The following GGT5 variants were observed in gnomAD, a reference collection of about 807,000 sequenced individuals.
GGT5 encodes the protein glutathione hydrolase 5 proenzyme.
A neutral mutation model predicts 58.1 loss-of-function variants in GGT5; 50 were observed. That is an observed-to-expected ratio of 0.86 (90% confidence interval 0.69 to 1.09). The LOEUF (loss-of-function observed/expected upper bound fraction) is 1.09, where lower values mean the gene tolerates loss of function less well. Ranked by LOEUF, GGT5 falls within the 50% of genes least tolerant of loss-of-function variation. The pLI is 0.00. For missense variants in GGT5, 800 were observed against 789.4 expected (o/e 1.01, Z -0.16); for synonymous variants, 370 against 346.1 (o/e 1.07, Z -0.77).
rs999205973 is a variant in GGT5 at position 24,225,265 on chromosome 22, T to C, written c.1483A>G (p.Ile495Val). ...LVIGGAGGEL[I>V]ISAVAQAIMS... is the part of the protein sequence containing the mutation. ...CTCACCTGGGCCACAGCAGAGATGA[T>C]GAGCTCCCCGCCAGCCCCGCCAATC... The change falls in exon 10 of 12, where the codon ATC (isoleucine) becomes GTC (valine). Residue 495 changes from isoleucine to valine, a missense_variant. Ile to Val is a conservative substitution (Grantham distance 29). Transcript: ENST00000327365. 1 of 1,613,336 alleles carries C rather than the reference T, an allele frequency of 6.2e-7. No homozygotes were observed. The highest frequency in any genetic ancestry group is 8.5e-7 in the Non-Finnish European group (1 of 1,179,808).
chr22:24,222,987 G>A (rs1196942828), intron 11 of GGT5, among the ~76,000 whole-genome samples: 2 of 152,184 alleles, frequency 1.3e-5, no homozygotes. Context: ...TGAGGCGGGA[G>A]GATGAGGCAG....
intron 1 of GGT5, among the ~76,000 whole-genome samples, chr22:24,240,127 T>G (rs904537284): frequency 9.2e-5 from 14 of 152,176 alleles, no homozygotes. Flanking sequence ...TACTAGCTCA[T>G]GTTAGACTTT....
At chr22:24,228,517 CT>C (rs1283218304) in intron 6 of GGT5, among the ~76,000 whole-genome samples, 1 of 149,802 alleles carries the variant, frequency 6.7e-6, no homozygotes, top group Admixed American at 6.7e-5. Flanking sequence ...GTGGTGTGAT[CT>C]CAGCTCACTG....
chr22:24,233,397 G>A (rs2048006027), intron 3 of GGT5, 101 bp downstream of exon 3: 1 of 671,824 alleles, frequency 1.5e-6, no homozygotes, highest in Non-Finnish European at 2.5e-6. Flanking sequence ...CCGTGCCAGG[G>A]AGTCACAGCC....
chr22:24,227,935 G>C (rs1302629465), intron 6 of GGT5, among the ~76,000 whole-genome samples: 1 of 151,386 alleles, frequency 6.6e-6, no homozygotes, highest in East Asian at 1.9e-4. Flanking sequence ...TGTAACCCCA[G>C]CTACTAGGGA....
chr22:24,221,589 T>G (rs1385039024), intron 11 of GGT5, among the ~76,000 whole-genome samples: 2 of 152,226 alleles, frequency 1.3e-5, no homozygotes, highest in African/African-American at 4.8e-5. Context: ...CTTGGCTCAC[T>G]GCAACTTCCC....
At position 24,233,640 on chromosome 22, in the gene GGT5, C is replaced by A. The variant is rs1460747981; in HGVS notation, c.305-47G>T. 6 of 1,131,868 alleles carry A rather than the reference C, an allele frequency of 5.3e-6. No homozygotes were observed. The South Asian group carries it at 7.4e-5, about 14-fold the overall frequency. The allele number at this position is 1,131,868 out of a possible 1,614,324, so 70.1% of individuals were successfully genotyped here. ...GAGTGGTCATGGACCCTGCAGACAGCCCCTGGCCTGCTCTAGGCCTCAGTT... is the reference window on the plus strand; with the variant it reads ...GAGTGGTCATGGACCCTGCAGACAGACCCTGGCCTGCTCTAGGCCTCAGTT... On this transcript the variant is annotated intron_variant, in intron 2 of 11. Coordinates refer to ENST00000327365, the MANE Select transcript of GGT5 (RefSeq NM_004121.5).
At chr22:24,223,085 G>A (rs566121194) in intron 11 of GGT5, among the ~76,000 whole-genome samples, 7 of 139,220 alleles carry the variant, frequency 5.0e-5, no homozygotes, top group Middle Eastern at 5.9e-3. Context: ...GCGAGACTCC[G>A]TCTCAAAAAA....
chr22:24,238,833 T>TA (rs1491192800), intron 1 of GGT5, among the ~76,000 whole-genome samples: 146 of 9,398 alleles, frequency 0.016, 5 homozygotes, highest in African/African-American at 0.071. Flanking sequence ...ATATATATAT[T>TA]TATATATATA....
At chr22:24,241,441 T>C (rs796089125) in intron 1 of GGT5, 8 of 152,206 alleles carry the variant, frequency 5.3e-5, no homozygotes, top group African/African-American at 1.4e-4. Context: ...TTGTGTGTTA[T>C]AGTGTTGAAG....
At chr22:24,231,262 C>G in intron 6 of GGT5, 122 bp downstream of exon 6, 2 of 654,820 alleles carry the variant, frequency 3.1e-6, no homozygotes, top group Non-Finnish European at 5.3e-6. Flanking sequence ...ATCTGTGAAC[C>G]CGGTTTATGG....
At chr22:24,232,755 G>T (rs1161493939) in intron 4 of GGT5, 68 bp downstream of exon 4, 2 of 1,094,580 alleles carry the variant, frequency 1.8e-6, no homozygotes, top group Non-Finnish European at 2.5e-6. Flanking sequence ...CAGAGCTGGG[G>T]TGTGGACTGG....
At chr22:24,224,591 C>G (rs2047694449) in intron 11 of GGT5, among the ~76,000 whole-genome samples, 1 of 151,836 alleles carries the variant, frequency 6.6e-6, no homozygotes, top group Non-Finnish European at 1.5e-5. Context: ...AATCACTTTA[C>G]AGACTGTCAC....
intron 11 of GGT5, among the ~76,000 whole-genome samples, chr22:24,221,056 C>T (rs2047574885): frequency 6.7e-6 from 1 of 148,904 alleles, no homozygotes; most frequent in South Asian, 2.3e-4. Context: ...ACCGCCTTTG[C>T]AAAATTATGA....
At chr22:24,225,179 T>C in intron 10 of GGT5, 66 bp downstream of exon 10, 1 of 1,589,498 alleles carries the variant, frequency 6.3e-7, no homozygotes, top group Non-Finnish European at 8.6e-7. Flanking sequence ...ACATCCCCAC[T>C]CCAGAGACAG....
At chr22:24,228,048 CAAAAAAAAAAAAAAAAAACAAAACA>C (rs1438705694) in intron 6 of GGT5, among the ~76,000 whole-genome samples, 2 of 22,052 alleles carry the variant, frequency 9.1e-5, no homozygotes, top group East Asian at 2.5e-3. Context: ...GACTCTGTCT[CAAAAAAAAAAAAAAAAAACAAAACA>C]AAAAAAAAAA....
intron 1 of GGT5, among the ~76,000 whole-genome samples, chr22:24,234,465 G>C (rs1447717578): frequency 6.6e-6 from 1 of 152,186 alleles, no homozygotes; most frequent in East Asian, 1.9e-4. Flanking sequence ...CCTGCCAGCA[G>C]GGCATAGGGC....
chr22:24,241,026 G>T (rs1213325507), intron 1 of GGT5: 1 of 151,868 alleles, frequency 6.6e-6, no homozygotes, highest in Non-Finnish European at 1.5e-5. Flanking sequence ...GTGTGGTGGC[G>T]CATGCCTGTA....
chr22:24,224,885 T>G, intron 11 of GGT5, 111 bp downstream of exon 11: 1 of 708,838 alleles, frequency 1.4e-6, no homozygotes, highest in South Asian at 1.7e-5. Flanking sequence ...AAAGTTGAAG[T>G]GTACCTGGCC....
Sources: gnomAD v4.1 joint callset for allele counts (sites outside exome capture counted in the v4.1 genomes callset) on GRCh38, gnomAD v4.1.1 for gene constraint, MANE v1.5 for transcripts, NCBI Gene and HGNC (gene_info 2026-07-23, HGNC 2026-07-21) for gene names.